TULP2: variants seen among roughly 807,000 people sequenced by gnomAD.
TULP2 encodes the protein TUB like protein 2, also known as tubby-related protein 2.
A neutral mutation model predicts 60.3 loss-of-function variants in TULP2; 64 were observed. The ratio of observed to expected loss-of-function variants is 1.06; its 90% CI spans 0.87 to 1.31. The LOEUF is 1.31. Ranked by LOEUF, TULP2 falls within the 50% of genes most tolerant of loss-of-function variation. The pLI, the probability that TULP2 is intolerant of heterozygous loss-of-function variation, is 0.00. For missense variants in TULP2, 652 were observed against 667.0 expected, an observed-to-expected ratio of 0.98 and a Z score of 0.25; for synonymous variants, 267 against 265.4, an observed-to-expected ratio of 1.01 and a Z score of -0.06.
At chr19:48,887,871 G>C in intron 8 of TULP2, 79 bp downstream of exon 8, 1 of 1,496,104 alleles carries the variant, frequency 6.7e-7, no homozygotes, top group Non-Finnish European at 9.1e-7. Context: ...GGCTGGTCTT[G>C]ACCTAGCTCA....
chr19:48,886,266 A>C (rs892475542), intron 8 of TULP2, among the ~76,000 whole-genome samples: 3 of 151,218 alleles, frequency 2.0e-5, no homozygotes, highest in African/African-American at 7.3e-5. Context: ...AGATCGCGCC[A>C]CTGCACTGGG....
At chr19:48,884,392 C>T (rs1286643777) in intron 9 of TULP2, among the ~76,000 whole-genome samples, 5 of 151,968 alleles carry the variant, frequency 3.3e-5, no homozygotes, top group Non-Finnish European at 7.4e-5. Flanking sequence ...TCCAATGAGC[C>T]GTGATCTTGC....
Position 48,897,298 on chromosome 19 carries a change from C to T in TULP2, c.84+47G>A, listed in dbSNP as rs1035478232. Reference sequence around the variant, plus strand: ...CCTGGTGGAGAGGCCCCTGGGGAGGCACAGAAGGCGGAAGAGTTGGAGTGG... The same window carrying T: ...CCTGGTGGAGAGGCCCCTGGGGAGGTACAGAAGGCGGAAGAGTTGGAGTGG... On this transcript the variant is annotated intron_variant, in intron 3 of 12. Transcript: ENST00000221399. This position sits in a 1 kb window ranked among gnomAD's most constrained non-coding sequence, Gnocchi z 4.0. The T allele has an allele frequency of 1.2e-6, 2 of 1,605,592 alleles. No homozygotes were observed. The highest frequency in any genetic ancestry group is 2.7e-5 in the African/African-American group (2 of 74,834).
chr19:48,888,270 G>A lies in TULP2; in HGVS notation c.637-9C>T. ...TTTTCCAAGTCTTCTTCCTAGCCCA[G>A]GCACCAAATTTAAAGTCGAGGGACA... On this transcript the variant is annotated splice_polypyrimidine_tract_variant and intron_variant, in intron 7 of 12. Transcript: ENST00000221399. 5 of 1,573,620 alleles carry A rather than the reference G, an allele frequency of 3.2e-6. No homozygotes were observed. Among genetic ancestry groups the A allele is most frequent in the Non-Finnish European group, 4.3e-6 (5 of 1,155,880 alleles).
chr19:48,895,050 A>G lies in TULP2; in HGVS notation c.462T>C (p.Phe154=), dbSNP rs772720242. 27 of 1,613,960 alleles carry G rather than the reference A, an allele frequency of 1.7e-5. 1 individual carries two copies. In the Admixed American group the frequency reaches 3.2e-4, roughly 19 times the overall value. Residue 154 remains phenylalanine (F), a synonymous_variant, in exon 6 of 13, where the codon TTT becomes TTC. Coordinates refer to ENST00000221399, the MANE Select transcript of TULP2 (RefSeq NM_003323.3). ...TGCGTCGGATTCTCGGAGACTGTTTAAAAGGTGGGGGAGAGACGGAACCAT... is the reference window on the plus strand; with the variant it reads ...TGCGTCGGATTCTCGGAGACTGTTTGAAAGGTGGGGGAGAGACGGAACCAT... ...VENGSVSPPP[F]KQSPRIRRKG...
intron 4 of TULP2, 136 bp from the exon 5 acceptor site, chr19:48,895,639 G>A: frequency 8.9e-7 from 1 of 1,118,270 alleles, no homozygotes; most frequent in Admixed American, 2.4e-5. Context: ...CAGCACTTTG[G>A]GAGGCCGAGG....
rs774311226 is a variant in TULP2, at chr19:48,895,373, T to C, written c.342A>G (p.Thr114=). The C allele has an allele frequency of 3.7e-6, 6 of 1,613,638 alleles. No individual in the cohort carries two copies. The African/African-American group carries it at 6.7e-5, about 18-fold the overall frequency. ...RGERGLPTPR[T]EAVFRNLGLQ... is the part of the protein sequence containing the mutation. ...CGGTGGACTCGCAAATACCTGCTTC[T>C]GTCCGCGGTGTCGGGAGGCCGCGCT... The change falls in exon 5 of 13, where the codon ACA becomes ACG. Residue 114 remains threonine (T), a synonymous_variant. Coordinates refer to ENST00000221399, the MANE Select transcript of TULP2 (RefSeq NM_003323.3).
chr19:48,895,381 G>A lies in TULP2; in HGVS notation c.334C>T (p.Pro112Ser). 1 of 1,613,890 alleles carries A rather than the reference G, an allele frequency of 6.2e-7. No homozygotes were observed. ...DGRGERGLPT[P>S]RTEAVFRNLG... is the part of the protein sequence containing the mutation. ...TCGCAAATACCTGCTTCTGTCCGCG[G>A]TGTCGGGAGGCCGCGCTCGCCCCTG... The change falls in exon 5 of 13, where the codon CCG becomes TCG. Residue 112 changes from proline (P) to serine (S), a missense_variant. Transcript: ENST00000221399.
At chr19:48,881,211 CTTTTTTTTT>C (rs1317301312) in intron 12 of TULP2, 85 bp from the exon 13 acceptor site, 11 of 181,916 alleles carry the variant, frequency 6.0e-5, no homozygotes, top group Non-Finnish European at 9.0e-5. Context: ...TTTTTTTTTT[CTTTTTTTTT>C]TTTTTTTGAG....
At chr19:48,885,933 G>A (rs1224492679) in intron 8 of TULP2, among the ~76,000 whole-genome samples, 1 of 151,990 alleles carries the variant, frequency 6.6e-6, no homozygotes, top group South Asian at 2.1e-4. Context: ...CTGGAAGCTG[G>A]TTAGAGCCAG....
intron 11 of TULP2, 72 bp from the exon 12 acceptor site, chr19:48,882,275 A>G: frequency 2.6e-6 from 4 of 1,562,920 alleles, no homozygotes; most frequent in Non-Finnish European, 3.5e-6. Context: ...GGGCGACTCC[A>G]TCTTGAACAG....
At chr19:48,894,247 C>T (rs28787645) in intron 6 of TULP2, among the ~76,000 whole-genome samples, 11 of 151,710 alleles carry the variant, frequency 7.3e-5, no homozygotes, top group Non-Finnish European at 1.3e-4. Flanking sequence ...TGGCCAGGCT[C>T]GTCTCAAATT....
At chr19:48,881,370 C>T (rs1487494664) in intron 12 of TULP2, among the ~76,000 whole-genome samples, 2 of 145,704 alleles carry the variant, frequency 1.4e-5, no homozygotes, top group Non-Finnish European at 1.5e-5. Context: ...CCACCACGTC[C>T]GGCTAATTTT....
At chr19:48,890,036 C>T (rs1253144458) in intron 6 of TULP2, among the ~76,000 whole-genome samples, 5 of 152,136 alleles carry the variant, frequency 3.3e-5, no homozygotes, top group African/African-American at 1.2e-4. Flanking sequence ...ACCTGACCGT[C>T]CCCCAGCCCG....
rs2037296385 is a variant in TULP2 at position 48,897,849 on chromosome 19, G to A, written c.20C>T (p.Thr7Ile). 2 of 1,613,664 alleles carry A rather than the reference G, an allele frequency of 1.2e-6. No individual in the cohort carries two copies. Among genetic ancestry groups the A allele is most frequent in the Non-Finnish European group, 1.7e-6 (2 of 1,179,838 alleles). ...TTTCCCTACTCACTCTCTCATCAAT[G>A]TGTCATTATCCTGAGACATTCTGCA... MSQDND[T>I]LMRDILGHEL... Residue 7 changes from threonine to isoleucine, a missense_variant, in exon 2 of 13, where the codon ACA becomes ATA. Physicochemically the swap from Thr to Ile is moderately conservative, Grantham distance 89. Coordinates refer to ENST00000221399, the MANE Select transcript of TULP2 (RefSeq NM_003323.3). This position sits in a 1 kb window ranked among gnomAD's most constrained non-coding sequence, Gnocchi z 4.0.
Position 48,889,614 on chromosome 19 carries a change from C to A in TULP2, c.532G>T (p.Glu178Ter), listed in dbSNP as rs771470539. 6.3e-7 allele frequency: 1 copy of A among 1,582,728 alleles called. No homozygotes were observed. The highest frequency in any genetic ancestry group is 8.7e-7 in the Non-Finnish European group (1 of 1,155,378). Reference sequence around the variant, plus strand: ...TCTCCCATATCCTGGGAGTCACTCTCACCCTCTGCACGGGTCCCTAATGTG... The same window carrying A: ...TCTCCCATATCCTGGGAGTCACTCTAACCCTCTGCACGGGTCCCTAATGTG... ...HQRPGTRAEGESDSQDMGDAH... is the reference protein window; with the variant it reads ...HQRPGTRAEG Residue 178 changes from glutamate (E) to a stop codon, truncating the protein, a stop_gained, in exon 7 of 13, where the codon GAG becomes TAG. Transcript: ENST00000221399. LOFTEE classifies it high-confidence loss of function.
chr19:48,885,372 C>G, intron 9 of TULP2, 76 bp downstream of exon 9: 1 of 1,226,260 alleles, frequency 8.2e-7, no homozygotes, highest in Non-Finnish European at 1.2e-6. Context: ...GCTCTGTGGC[C>G]TGCTGGGAAA....
At chr19:48,883,220 A>G (rs79269153) in intron 11 of TULP2, among the ~76,000 whole-genome samples, 1 of 146,992 alleles carries the variant, frequency 6.8e-6, no homozygotes, top group South Asian at 2.1e-4. Context: ...CTCTGTCTCA[A>G]AAAAAAAAAA....
At position 48,895,385 on chromosome 19, in the gene TULP2, C is replaced by T. The variant is rs758521450; in HGVS notation, c.330G>A (p.Pro110=). ...AAATACCTGCTTCTGTCCGCGGTGT[C>T]GGGAGGCCGCGCTCGCCCCTGCCGT... ...GGDGRGERGL[P]TPRTEAVFRN... is the part of the protein sequence containing the mutation. The change falls in exon 5 of 13, where the codon CCG becomes CCA. Residue 110 remains proline (P), a synonymous_variant. Transcript: ENST00000221399. The T allele has an allele frequency of 2.5e-6, 4 of 1,613,766 alleles. No individual in the cohort carries two copies. In the South Asian group the frequency reaches 4.4e-5, roughly 18 times the overall value.
Sources: gnomAD v4.1 joint callset for allele counts (sites outside exome capture counted in the v4.1 genomes callset) on GRCh38, gnomAD v4.1.1 for gene constraint, Gnocchi (gnomAD v3.1) non-coding constraint, MANE v1.5 for transcripts, NCBI Gene and HGNC (gene_info 2026-07-23, HGNC 2026-07-21) for gene names.